MBD5: variants seen among roughly 807,000 people sequenced by gnomAD.
MBD5 encodes the protein methyl-CpG-binding domain protein 5.
In MBD5, 13 loss-of-function variants were observed where a neutral mutation model predicts 117.3. The observed-to-expected ratio is 0.11, with a 90% confidence interval of 0.07 to 0.18. The LOEUF (loss-of-function observed/expected upper bound fraction) is 0.18, where lower values mean the gene tolerates loss of function less well. Ranked by LOEUF, MBD5 falls within the 10% of genes least tolerant of loss-of-function variation. MBD5 has a pLI of 1.00. For missense variants in MBD5, 1,879 were observed against 2,093.8 expected, an observed-to-expected ratio of 0.90 and a Z score of 2.00; for synonymous variants, 727 against 766.4, an observed-to-expected ratio of 0.95 and a Z score of 0.85.
chr2:148,475,696 A>G (rs1385532819), intron 8 of MBD5, among the ~76,000 whole-genome samples: 1 of 152,158 alleles, frequency 6.6e-6, no homozygotes, highest in Non-Finnish European at 1.5e-5. Context: ...CTAAGCTACT[A>G]TTTACTAAAA....
At chr2:148,154,674 G>T (rs77386176) in intron 1 of MBD5, among the ~76,000 whole-genome samples, 1 of 152,100 alleles carries the variant, frequency 6.6e-6, no homozygotes, top group Non-Finnish European at 1.5e-5. Context: ...CGCAGTAATC[G>T]GGTGGGAGTG....
intron 3 of MBD5, among the ~76,000 whole-genome samples, chr2:148,241,545 C>T (rs891821089): frequency 2.0e-5 from 3 of 152,006 alleles, no homozygotes; most frequent in South Asian, 4.2e-4. Flanking sequence ...CAGCCTAGGT[C>T]GGAATCAATA....
chr2:148,022,366 A>G (rs114429031), intron 1 of MBD5, among the ~76,000 whole-genome samples: 1 of 152,038 alleles, frequency 6.6e-6, no homozygotes, highest in East Asian at 1.9e-4. Context: ...TGTCTGTTTC[A>G]TATATCAGTA....
At chr2:148,081,415 C>T (rs1420011809) in intron 1 of MBD5, among the ~76,000 whole-genome samples, 1 of 152,128 alleles carries the variant, frequency 6.6e-6, no homozygotes, top group East Asian at 1.9e-4. Context: ...CAGATATTTC[C>T]AGTATAAATT....
intron 1 of MBD5, among the ~76,000 whole-genome samples, chr2:148,067,022 CATAGAG>C (rs1173553626): frequency 6.6e-6 from 1 of 152,154 alleles, no homozygotes; most frequent in African/African-American, 2.4e-5. Flanking sequence ...GAGCATGGCA[CATAGAG>C]ATATTCAGTA....
intron 1 of MBD5, among the ~76,000 whole-genome samples, chr2:148,064,285 T>G (rs1227149078): frequency 1.3e-5 from 2 of 151,154 alleles, no homozygotes; most frequent in African/African-American, 4.9e-5. Flanking sequence ...CCGGCTAATT[T>G]TTTGTATTTT....
At chr2:148,275,616 A>C (rs773018119) in intron 3 of MBD5, among the ~76,000 whole-genome samples, 2 of 152,212 alleles carry the variant, frequency 1.3e-5, no homozygotes, top group African/African-American at 2.4e-5. Context: ...TTATGAGAGT[A>C]ATATGCTTTA....
rs1706402424 is a variant in MBD5 at position 148,443,718 on chromosome 2, G to C, written c.-556-14485G>C. On this transcript the variant is annotated intron_variant, in intron 4 of 13. Coordinates refer to ENST00000642680, the MANE Select transcript of MBD5 (RefSeq NM_001378120.1). ...ATTGAACTCATAGAAATAGAAAGTA[G>C]AAGGATGGTTATGTTACCAGAGGCT... Among the ~76,000 whole-genome samples, 2 of 151,118 alleles carry C rather than the reference G, an allele frequency of 1.3e-5. 1 individual carries two copies. Among genetic ancestry groups the C allele is most frequent in the African/African-American group, 4.9e-5 (2 of 40,558 alleles).
chr2:148,157,845 C>G (rs549547204), intron 1 of MBD5, among the ~76,000 whole-genome samples: 1 of 152,000 alleles, frequency 6.6e-6, no homozygotes, highest in South Asian at 2.1e-4. Flanking sequence ...CTTTTTTATT[C>G]CAGAGGACAG....
At chr2:148,147,058 G>A (rs1697484821) in intron 1 of MBD5, among the ~76,000 whole-genome samples, 1 of 151,698 alleles carries the variant, frequency 6.6e-6, no homozygotes, top group Non-Finnish European at 1.5e-5. Flanking sequence ...GTTTCTTTTA[G>A]TTCTTTGAAC....
intron 4 of MBD5, among the ~76,000 whole-genome samples, chr2:148,392,326 A>G (rs994998157): frequency 1.3e-5 from 2 of 152,162 alleles, no homozygotes; most frequent in African/African-American, 4.8e-5. Context: ...TTTCTTTATG[A>G]TATTATAGAT....
At position 148,514,091 on chromosome 2, in the gene MBD5, A is replaced by C. The variant is rs1430196448; in HGVS notation, c.*1150A>C. The C allele has an allele frequency of 6.6e-6, 1 of 152,196 alleles. No homozygotes were observed. The highest frequency in any genetic ancestry group is 2.4e-5 in the African/African-American group (1 of 41,454). 9.4% of individuals were successfully genotyped at this position (152,196 alleles called of 1,614,324 possible). A position where few individuals can be genotyped will look rare whatever the true frequency, so the allele number is the denominator to read the frequency against. On this transcript the variant is annotated 3_prime_UTR_variant, in exon 14 of 14. Coordinates refer to ENST00000642680, the MANE Select transcript of MBD5 (RefSeq NM_001378120.1). ...GGCTTACGGAATTATTAGCAATGGT[A>C]ATTTTTTTATCAGTATTGTGTAACA...
Position 148,513,019 on chromosome 2 carries a change from C to T in MBD5, c.*78C>T. 7.7e-7 allele frequency: 1 copy of T among 1,299,204 alleles called. No homozygotes were observed. Among genetic ancestry groups the T allele is most frequent in the Non-Finnish European group, 1.1e-6 (1 of 896,388 alleles). 80.5% of individuals were successfully genotyped at this position (1,299,204 alleles called of 1,614,324 possible). On this transcript the variant is annotated 3_prime_UTR_variant, in exon 14 of 14. Transcript: ENST00000642680. Reference sequence around the variant, plus strand: ...TATCTGTATATAGGTATTGATATAGCCACAGTTATATCAATATTTAGACTA... The same window carrying T: ...TATCTGTATATAGGTATTGATATAGTCACAGTTATATCAATATTTAGACTA...
intron 4 of MBD5, among the ~76,000 whole-genome samples, chr2:148,434,339 G>T (rs778509997): frequency 2.6e-5 from 4 of 151,818 alleles, no homozygotes; most frequent in Non-Finnish European, 4.4e-5. Flanking sequence ...GGATTCGTTC[G>T]TATTTTGTAT....
At chr2:148,069,124 C>T (rs1046406728) in intron 1 of MBD5, among the ~76,000 whole-genome samples, 2 of 152,134 alleles carry the variant, frequency 1.3e-5, no homozygotes, top group African/African-American at 4.8e-5. Flanking sequence ...ATCTGATTCC[C>T]TTACTCAGAG....
rs1559010681 is a variant in MBD5 at position 148,296,863 on chromosome 2, A to ATT, written c.-679-45351_-679-45350insTT. On this transcript the variant is annotated intron_variant, in intron 3 of 13. Coordinates refer to ENST00000642680, the MANE Select transcript of MBD5 (RefSeq NM_001378120.1). ...TAAGCATAGTTTGCTTTAGTTCTTC[A>ATT]ATTTTTTTTTTTTTTTTTTTTGGAG... 4.8e-4 allele frequency among the ~76,000 whole-genome samples: 18 copies of ATT among 37,710 alleles called. 1 individual carries two copies. Among genetic ancestry groups the ATT allele is most frequent in the South Asian group, 5.1e-3 (2 of 396 alleles). The allele number at this position is 37,710 out of a possible 152,430, so 24.7% of individuals were successfully genotyped here.
chr2:148,220,997 T>C lies in MBD5; in HGVS notation c.-830-12248T>C, dbSNP rs1003122931. Among the ~76,000 whole-genome samples the C allele has an allele frequency of 5.3e-5, 8 of 152,242 alleles. No individual in the cohort carries two copies. In the East Asian group the frequency reaches 1.2e-3, roughly 22 times the overall value. On this transcript the variant is annotated intron_variant, in intron 2 of 13. Coordinates refer to ENST00000642680, the MANE Select transcript of MBD5 (RefSeq NM_001378120.1). Reference sequence around the variant, plus strand: ...CTCTATCTCCATGAGTTCAATAGTTTTGATTTTTAGATCTCACACATAAGT... The same window carrying C: ...CTCTATCTCCATGAGTTCAATAGTTCTGATTTTTAGATCTCACACATAAGT...
At chr2:148,263,460 T>A (rs1285944831) in intron 3 of MBD5, among the ~76,000 whole-genome samples, 2 of 152,182 alleles carry the variant, frequency 1.3e-5, no homozygotes, top group East Asian at 3.9e-4. Flanking sequence ...TTTCCCTGTT[T>A]CCTGCTGAAA....
At chr2:148,052,208 T>TTTTTG (rs1185956769) in intron 1 of MBD5, among the ~76,000 whole-genome samples, 27 of 123,486 alleles carry the variant, frequency 2.2e-4, no homozygotes, top group Admixed American at 7.8e-4. Context: ...GTTATTGAGT[T>TTTTTG]TTTTTTTTTT....
Sources: gnomAD v4.1 joint callset for allele counts (sites outside exome capture counted in the v4.1 genomes callset) on GRCh38, gnomAD v4.1.1 for gene constraint, MANE v1.5 for transcripts, NCBI Gene and HGNC (gene_info 2026-07-23, HGNC 2026-07-21) for gene names.